CRACD: variants seen among roughly 807,000 people sequenced by gnomAD.
The protein encoded by CRACD is capping protein inhibiting regulator of actin dynamics.
Under a neutral mutation model 106.8 loss-of-function variants are expected in CRACD, and 56 were observed. The observed-to-expected ratio is 0.52, with a 90% CI of 0.42 to 0.66. The LOEUF (loss-of-function observed/expected upper bound fraction) is 0.66, where lower values mean the gene tolerates loss of function less well. Ranked by LOEUF, CRACD falls within the 30% of genes least tolerant of loss-of-function variation. CRACD has a pLI of 0.00. For missense variants in CRACD, 1,730 were observed against 1,623.2 expected, an observed-to-expected ratio of 1.07 and a Z score of -1.13; for synonymous variants, 754 against 670.8, an observed-to-expected ratio of 1.12 and a Z score of -1.92.
intron 1 of CRACD, among the ~76,000 whole-genome samples, chr4:56,104,687 G>T (rs186012701): frequency 3.7e-4 from 57 of 152,278 alleles, no homozygotes; most frequent in Non-Finnish European, 8.8e-5. Flanking sequence ...AATTAAATAG[G>T]CCGGGCGCCG....
At chr4:56,230,965 C>T (rs2109534506) in intron 2 of CRACD, among the ~76,000 whole-genome samples, 1 of 152,250 alleles carries the variant, frequency 6.6e-6, no homozygotes, top group South Asian at 2.1e-4. Flanking sequence ...TAGCTGTCTT[C>T]AGGTAGGTAG....
rs1321187302 is a variant in CRACD, at chr4:56,316,252, G to A, written c.2750G>A (p.Arg917Gln). 2.5e-6 allele frequency: 4 copies of A among 1,613,942 alleles called. No homozygotes were observed. The highest frequency in any genetic ancestry group is 2.2e-5 in the South Asian group (2 of 91,078). ...PQERKQAPST[R>Q]RDSAEPSSSR... ...GAGCGGAAGCAAGCCCCTTCCACCCGGAGGGACTCCGCTGAACCTTCCAGC... is the reference window on the plus strand; with the variant it reads ...GAGCGGAAGCAAGCCCCTTCCACCCAGAGGGACTCCGCTGAACCTTCCAGC... The change falls in exon 8 of 11, where the codon CGG becomes CAG. Residue 917 changes from arginine to glutamine, a missense_variant. Arg to Gln is a conservative substitution (Grantham distance 43). This residue lies in a region of CRACD where 1,620 missense variants were observed against 1,481.6 expected (regional missense o/e 1.09). Coordinates refer to ENST00000682029, the MANE Select transcript of CRACD (RefSeq NM_001393381.1).
chr4:56,238,760 A>T (rs899089295), intron 2 of CRACD, among the ~76,000 whole-genome samples: 7 of 152,166 alleles, frequency 4.6e-5, no homozygotes, highest in African/African-American at 1.7e-4. Flanking sequence ...GATTTTTTTT[A>T]AAAGATGGTA....
At chr4:56,310,955 A>T (rs1487339372) in intron 6 of CRACD, 2 of 529,652 alleles carry the variant, frequency 3.8e-6, no homozygotes, top group Non-Finnish European at 6.8e-6. Context: ...AAAACTAGCC[A>T]TACTCCCAGC....
intron 2 of CRACD, among the ~76,000 whole-genome samples, chr4:56,235,862 G>T (rs1372326603): frequency 2.0e-5 from 3 of 152,156 alleles, no homozygotes; most frequent in Non-Finnish European, 4.4e-5. Flanking sequence ...TGGGAAGGAG[G>T]AGTTCAAGAG....
intron 3 of CRACD, among the ~76,000 whole-genome samples, chr4:56,286,525 C>CAAAAAAAAAAAAAAAAAAAAA (rs61498428): frequency 2.0e-4 from 18 of 89,362 alleles, no homozygotes; most frequent in Non-Finnish European, 1.8e-4. Context: ...GACTCCGTCT[C>CAAAAAAAAAAAAAAAAAAAAA]AAAAAAAAAA....
At chr4:56,295,655 G>T (rs2109713412) in intron 3 of CRACD, among the ~76,000 whole-genome samples, 1 of 104,170 alleles carries the variant, frequency 9.6e-6, no homozygotes, top group African/African-American at 3.8e-5. Context: ...TGAGAAATTA[G>T]TAAACATATA....
chr4:56,099,798 G>A (rs1047230076), intron 1 of CRACD, among the ~76,000 whole-genome samples: 4 of 152,148 alleles, frequency 2.6e-5, no homozygotes, highest in Non-Finnish European at 5.9e-5. Context: ...CTGAAACTGC[G>A]ACATCTCTCT....
chr4:56,295,688 T>TATATAG (rs1553918253), intron 3 of CRACD, among the ~76,000 whole-genome samples: 26 of 132,334 alleles, frequency 2.0e-4, no homozygotes, highest in African/African-American at 6.8e-4. Context: ...TATATATATA[T>TATATAG]ATATATATAT....
chr4:56,079,747 C>T (rs917678832), intron 1 of CRACD, among the ~76,000 whole-genome samples: 3 of 152,040 alleles, frequency 2.0e-5, no homozygotes, highest in South Asian at 2.1e-4. Context: ...CTGTGCCTGG[C>T]GTAGTCATTT....
At chr4:56,186,832 C>T (rs903794821) in intron 2 of CRACD, among the ~76,000 whole-genome samples, 2 of 152,078 alleles carry the variant, frequency 1.3e-5, no homozygotes, top group African/African-American at 4.8e-5. Flanking sequence ...TAGGCCATGG[C>T]GGGAAGACTG....
intron 2 of CRACD, among the ~76,000 whole-genome samples, chr4:56,183,491 G>A (rs889678500): frequency 1.8e-4 from 27 of 152,324 alleles, no homozygotes; most frequent in African/African-American, 6.3e-4. Context: ...ACAGAGCTGA[G>A]CACTTTTCCA....
intron 1 of CRACD, among the ~76,000 whole-genome samples, chr4:56,093,697 T>C (rs762344080): frequency 6.6e-6 from 1 of 152,252 alleles, no homozygotes; most frequent in Non-Finnish European, 1.5e-5. Context: ...ATGTTTTCAA[T>C]GCTCTTGTTC....
intron 1 of CRACD, among the ~76,000 whole-genome samples, chr4:56,066,203 G>GT: frequency 6.6e-6 from 1 of 152,274 alleles, no homozygotes; most frequent in African/African-American, 2.4e-5. Flanking sequence ...AGATGCTGTG[G>GT]CTCTCCGTAA....
intron 10 of CRACD, among the ~76,000 whole-genome samples, chr4:56,326,324 G>T (rs973233373): frequency 3.9e-5 from 6 of 152,176 alleles, no homozygotes; most frequent in African/African-American, 1.4e-4. Context: ...CTACCTGTTA[G>T]AACCAGAAAG....
At chr4:56,310,552 C>A in intron 5 of CRACD, 114 bp from the exon 6 acceptor site, 3 of 733,556 alleles carry the variant, frequency 4.1e-6, no homozygotes, top group South Asian at 3.2e-5. Context: ...CTGAGGCCAG[C>A]TGCACCCCTG....
intron 2 of CRACD, among the ~76,000 whole-genome samples, chr4:56,268,869 A>G (rs1466925587): frequency 6.6e-6 from 1 of 152,244 alleles, no homozygotes. Context: ...AATATTATTC[A>G]TTGGAGATTT....
At chr4:56,118,863 A>G (rs1001834677) in intron 1 of CRACD, among the ~76,000 whole-genome samples, 3 of 152,218 alleles carry the variant, frequency 2.0e-5, no homozygotes, top group African/African-American at 4.8e-5. Context: ...TCTTTTATAC[A>G]GTGGCAATTC....
At chr4:56,143,057 A>G (rs1485051469) in intron 1 of CRACD, among the ~76,000 whole-genome samples, 1 of 151,882 alleles carries the variant, frequency 6.6e-6, no homozygotes, top group Non-Finnish European at 1.5e-5. Flanking sequence ...TTTTAGAACT[A>G]TAATATCTAA....
Sources: gnomAD v4.1 joint callset for allele counts (sites outside exome capture counted in the v4.1 genomes callset) on GRCh38, gnomAD v4.1.1 for gene constraint, gnomAD v4.1.1 regional missense constraint, MANE v1.5 for transcripts, NCBI Gene and HGNC (gene_info 2026-07-23, HGNC 2026-07-21) for gene names.